The following ARFIP1 variants were observed in gnomAD, a reference collection of about 807,000 sequenced individuals.
ARFIP1 encodes ARF interacting protein 1.
A neutral mutation model predicts 42.5 loss-of-function variants in ARFIP1; 24 were observed. The observed-to-expected ratio is 0.57, with a 90% CI of 0.41 to 0.80. The LOEUF (loss-of-function observed/expected upper bound fraction) is 0.80, where lower values mean the gene tolerates loss of function less well. Ranked by LOEUF, ARFIP1 falls within the 30% of genes least tolerant of loss-of-function variation. The probability of loss-of-function intolerance (pLI) is 0.00; values close to 1 mark genes in which losing one functional copy is unlikely to be tolerated. For missense variants in ARFIP1, 354 were observed against 434.0 expected, an observed-to-expected ratio of 0.82 and a Z score of 1.64; for synonymous variants, 141 against 153.7, an observed-to-expected ratio of 0.92 and a Z score of 0.61.
chr4:152,804,036 AAT>A lies in ARFIP1; in HGVS notation c.-10+23819_-10+23820del, dbSNP rs549894550. Among the ~76,000 whole-genome samples the A allele has an allele frequency of 2.4e-3, 314 of 130,916 alleles. 11 individuals are homozygous for A. The South Asian group carries it at 0.044, about 18-fold the overall frequency. 85.9% of individuals were successfully genotyped at this position (130,916 alleles called of 152,430 possible). A position where few individuals can be genotyped will look rare whatever the true frequency, so the allele number is the denominator to read the frequency against. On this transcript the variant is annotated intron_variant, in intron 1 of 8. Coordinates refer to ENST00000353617, the MANE Select transcript of ARFIP1 (RefSeq NM_001025595.3). ...ATATATATTATATATAATATAACGT[AAT>A]ATATATATTATATATAATATAACAT...
chr4:152,873,743 G>A (rs894351624), intron 5 of ARFIP1, among the ~76,000 whole-genome samples: 6 of 152,096 alleles, frequency 3.9e-5, no homozygotes, highest in Non-Finnish European at 5.9e-5. Flanking sequence ...TACTGTAACA[G>A]CTTCTTAACC....
At chr4:152,863,534 C>A in intron 2 of ARFIP1, 72 bp from the exon 3 acceptor site, 1 of 828,074 alleles carries the variant, frequency 1.2e-6, no homozygotes, top group Non-Finnish European at 2.0e-6. Context: ...TAAAAGGATA[C>A]AATTATTCTG....
At chr4:152,843,878 A>G (rs1732318783) in intron 2 of ARFIP1, among the ~76,000 whole-genome samples, 1 of 152,182 alleles carries the variant, frequency 6.6e-6, no homozygotes, top group East Asian at 1.9e-4. Context: ...TGGTTCTTGC[A>G]TGGCCTGTGG....
chr4:152,833,442 G>A (rs1001603301), intron 2 of ARFIP1, among the ~76,000 whole-genome samples: 2 of 152,150 alleles, frequency 1.3e-5, no homozygotes, highest in African/African-American at 4.8e-5. Context: ...ATCTGTTGTG[G>A]AAAACAGTAT....
chr4:152,802,389 A>T (rs1307288018), intron 1 of ARFIP1, among the ~76,000 whole-genome samples: 1 of 152,210 alleles, frequency 6.6e-6, no homozygotes, highest in Non-Finnish European at 1.5e-5. Context: ...GAACTTAAGA[A>T]TTTGATCCTT....
chr4:152,781,416 T>C (rs531037386), intron 1 of ARFIP1, among the ~76,000 whole-genome samples: 33 of 152,176 alleles, frequency 2.2e-4, no homozygotes, highest in Admixed American at 1.8e-3. Flanking sequence ...TTTGTATTTT[T>C]AGTAGAGACG....
intron 2 of ARFIP1, 42 bp from the exon 3 acceptor site, chr4:152,863,564 A>G: frequency 8.5e-7 from 1 of 1,179,550 alleles, no homozygotes; most frequent in Non-Finnish European, 1.3e-6. Context: ...GTCATGTGGG[A>G]TTTTTTTACA....
intron 2 of ARFIP1, among the ~76,000 whole-genome samples, chr4:152,857,034 T>C (rs1733500528): frequency 6.6e-6 from 1 of 152,230 alleles, no homozygotes; most frequent in Admixed American, 6.5e-5. Context: ...AGGTCACTTA[T>C]TCAGTGAAAT....
chr4:152,786,032 C>G (rs1167284545), intron 1 of ARFIP1, among the ~76,000 whole-genome samples: 1 of 152,174 alleles, frequency 6.6e-6, no homozygotes, highest in Non-Finnish European at 1.5e-5. Context: ...AAATCTGCTA[C>G]CCATGGTGCC....
intron 2 of ARFIP1, 108 bp from the exon 3 acceptor site, chr4:152,863,496 CAG>C: frequency 1.6e-6 from 1 of 625,744 alleles, no homozygotes; most frequent in Non-Finnish European, 2.8e-6. Context: ...TACCGCATAG[CAG>C]AGAGAAAAAT....
At chr4:152,848,643 C>G (rs529151172) in intron 2 of ARFIP1, among the ~76,000 whole-genome samples, 307 of 127,450 alleles carry the variant, frequency 2.4e-3, no homozygotes, top group Admixed American at 4.4e-3. Flanking sequence ...CTCCTACCCC[C>G]ACCAGTCACA....
chr4:152,850,192 A>G (rs1345042269), intron 2 of ARFIP1, among the ~76,000 whole-genome samples: 1 of 152,248 alleles, frequency 6.6e-6, no homozygotes, highest in Non-Finnish European at 1.5e-5. Context: ...ATATTTTAAA[A>G]TATAGCAACT....
intron 2 of ARFIP1, among the ~76,000 whole-genome samples, chr4:152,838,057 T>C (rs1250814366): frequency 6.6e-6 from 1 of 152,182 alleles, no homozygotes; most frequent in Non-Finnish European, 1.5e-5. Flanking sequence ...TTTATGTTAT[T>C]GTTTGCTTTG....
At chr4:152,814,547 C>T (rs1313705117) in intron 1 of ARFIP1, among the ~76,000 whole-genome samples, 1 of 152,000 alleles carries the variant, frequency 6.6e-6, no homozygotes, top group Non-Finnish European at 1.5e-5. Flanking sequence ...CTGGTCTCTA[C>T]AAAAAATTAA....
intron 3 of ARFIP1, among the ~76,000 whole-genome samples, chr4:152,867,681 A>G (rs934301136): frequency 6.6e-5 from 10 of 152,340 alleles, no homozygotes; most frequent in African/African-American, 2.4e-4. Flanking sequence ...GTTGGCCATC[A>G]TGAACTGATA....
intron 5 of ARFIP1, among the ~76,000 whole-genome samples, chr4:152,873,817 A>C (rs1735096944): frequency 6.6e-6 from 1 of 152,170 alleles, no homozygotes; most frequent in Admixed American, 6.5e-5. Context: ...AAAATCCTTC[A>C]GTCAATCCCC....
At chr4:152,844,553 A>G (rs774827524) in intron 2 of ARFIP1, among the ~76,000 whole-genome samples, 3 of 151,806 alleles carry the variant, frequency 2.0e-5, no homozygotes, top group Admixed American at 6.6e-5. Flanking sequence ...AAAGGAAAAC[A>G]TAGGTTGTCT....
intron 1 of ARFIP1, among the ~76,000 whole-genome samples, chr4:152,819,398 A>G (rs534242526): frequency 6.6e-6 from 1 of 152,160 alleles, no homozygotes; most frequent in Non-Finnish European, 1.5e-5. Flanking sequence ...GGCTCTTTAC[A>G]AGGAAATCTC....
At chr4:152,900,708 T>C (rs1737754168) in intron 8 of ARFIP1, among the ~76,000 whole-genome samples, 1 of 152,224 alleles carries the variant, frequency 6.6e-6, no homozygotes, top group African/African-American at 2.4e-5. Context: ...CTGATCTCTT[T>C]CTGGGAAAAG....
Sources: gnomAD v4.1 joint callset for allele counts (sites outside exome capture counted in the v4.1 genomes callset) on GRCh38, gnomAD v4.1.1 for gene constraint, MANE v1.5 for transcripts, NCBI Gene and HGNC (gene_info 2026-07-23, HGNC 2026-07-21) for gene names.